GALNT7: variants seen among roughly 807,000 people sequenced by gnomAD.
GALNT7 encodes the protein N-acetylgalactosaminyltransferase 7.
A neutral mutation model predicts 82.1 loss-of-function variants in GALNT7; 60 were observed. The observed-to-expected ratio is 0.73, with a 90% CI of 0.59 to 0.91. The LOEUF (loss-of-function observed/expected upper bound fraction) is 0.91, where lower values mean the gene tolerates loss of function less well. GALNT7 is among the 40% of genes least tolerant of loss of function. GALNT7 has a pLI of 0.00. For missense variants in GALNT7, 660 were observed against 804.2 expected (o/e 0.82, Z 2.17); for synonymous variants, 243 against 275.1 (o/e 0.88, Z 1.15).
At chr4:173,183,041 TAAACACACACAC>T (rs1357769783) in intron 1 of GALNT7, among the ~76,000 whole-genome samples, 5 of 40,736 alleles carry the variant, frequency 1.2e-4, no homozygotes, top group African/African-American at 3.6e-4. Flanking sequence ...TCCACACACA[TAAACACACACAC>T]ACACACACAC....
At position 173,298,286 on chromosome 4, in the gene GALNT7, T is replaced by A; in HGVS notation, c.1137T>A (p.Thr379=). Reference sequence around the variant, plus strand: ...AGAAGAGACTGAGAAAGACAAAAACTGAACCGTATCGGTAATCACTAAATC... The same window carrying A: ...AGAAGAGACTGAGAAAGACAAAAACAGAACCGTATCGGTAATCACTAAATC... ...PQEKRLRKTK[T]EPYRSPAMAG... Residue 379 remains threonine, a synonymous_variant, in exon 6 of 12, where the codon ACT becomes ACA. Transcript: ENST00000265000. The A allele has an allele frequency of 6.4e-7, 1 of 1,567,930 alleles. No homozygotes were observed. The highest frequency in any genetic ancestry group is 1.2e-5 in the South Asian group (1 of 83,094).
At chr4:173,206,683 G>C (rs1377626882) in intron 1 of GALNT7, among the ~76,000 whole-genome samples, 2 of 152,188 alleles carry the variant, frequency 1.3e-5, no homozygotes, top group Non-Finnish European at 2.9e-5. Flanking sequence ...TAAGAAATGG[G>C]AGGTAGAAAA....
chr4:173,309,199 C>A lies in GALNT7; in HGVS notation c.1390-4759C>A, dbSNP rs116600959. Among the ~76,000 whole-genome samples, 969 of 152,306 alleles carry A rather than the reference C, an allele frequency of 6.4e-3. 10 individuals carry two copies. Among genetic ancestry groups the A allele is most frequent in the African/African-American group, 0.022 (894 of 41,542 alleles). ...TTAGTAGGATGAGCATCCTCCCGGG[C>A]TTCTTTCCCAGTCACACGTTTATTA... On this transcript the variant is annotated intron_variant, in intron 8 of 11. Coordinates refer to ENST00000265000, the MANE Select transcript of GALNT7 (RefSeq NM_017423.3).
chr4:173,185,584 T>C (rs751383275), intron 1 of GALNT7, among the ~76,000 whole-genome samples: 5 of 152,184 alleles, frequency 3.3e-5, no homozygotes, highest in Non-Finnish European at 7.3e-5. Flanking sequence ...CTAGGCAGTA[T>C]AATGAATTAA....
At chr4:173,185,752 C>T (rs1444929409) in intron 1 of GALNT7, among the ~76,000 whole-genome samples, 1 of 152,040 alleles carries the variant, frequency 6.6e-6, no homozygotes, top group African/African-American at 2.4e-5. Flanking sequence ...TCCTTGTATA[C>T]ATCTTAGAGT....
chr4:173,209,934 ACCAGC>A (rs1470278693), intron 1 of GALNT7, among the ~76,000 whole-genome samples: 1 of 152,026 alleles, frequency 6.6e-6, no homozygotes, highest in Non-Finnish European at 1.5e-5. Flanking sequence ...GGAGTTCCAG[ACCAGC>A]CTGAGCAACA....
Position 173,295,827 on chromosome 4 carries a change from C to T in GALNT7, c.949C>T (p.Pro317Ser). The T allele has an allele frequency of 1.3e-6, 2 of 1,596,764 alleles. No homozygotes were observed. Among genetic ancestry groups the T allele is most frequent in the Non-Finnish European group, 8.6e-7 (1 of 1,164,310 alleles). ...AVNWYAPLVAPISKDRTICTV... is the reference protein window; with the variant it reads ...AVNWYAPLVASISKDRTICTV... ...TAACTGGTATGCACCACTTGTAGCT[C>T]CCATATCTAAGGACAGGTAACATTA... Residue 317 changes from proline to serine, a missense_variant, in exon 5 of 12, where the codon CCC (proline) becomes TCC (serine). Transcript: ENST00000265000.
chr4:173,213,173 A>G (rs1443349786), intron 1 of GALNT7, among the ~76,000 whole-genome samples: 1 of 152,158 alleles, frequency 6.6e-6, no homozygotes, highest in Non-Finnish European at 1.5e-5. Flanking sequence ...CTTAGTGGTC[A>G]AGACCCTTAA....
chr4:173,239,981 A>G (rs1734367911), intron 1 of GALNT7, among the ~76,000 whole-genome samples: 1 of 152,158 alleles, frequency 6.6e-6, no homozygotes, highest in African/African-American at 2.4e-5. Flanking sequence ...TACTAATATC[A>G]CTGCCAAAAC....
intron 2 of GALNT7, among the ~76,000 whole-genome samples, chr4:173,262,172 G>A (rs1735295742): frequency 1.3e-5 from 2 of 152,040 alleles, no homozygotes; most frequent in Non-Finnish European, 1.5e-5. Context: ...TTGCAAAAGG[G>A]GGGAGCATTT....
At chr4:173,296,673 C>A (rs1736726448) in intron 5 of GALNT7, among the ~76,000 whole-genome samples, 1 of 152,146 alleles carries the variant, frequency 6.6e-6, no homozygotes, top group African/African-American at 2.4e-5. Flanking sequence ...ACTGTCAGAC[C>A]AAGGCCTCCC....
At chr4:173,173,248 T>C (rs1246441565) in intron 1 of GALNT7, among the ~76,000 whole-genome samples, 2 of 152,128 alleles carry the variant, frequency 1.3e-5, no homozygotes, top group African/African-American at 2.4e-5. Context: ...GGAAGCTTTT[T>C]TTTTTTTAGT....
At chr4:173,301,377 T>A (rs1392303743) in intron 6 of GALNT7, among the ~76,000 whole-genome samples, 1 of 152,100 alleles carries the variant, frequency 6.6e-6, no homozygotes, top group African/African-American at 2.4e-5. Context: ...CCTAAGAAGC[T>A]ACCAAATCTT....
chr4:173,318,676 C>T, intron 11 of GALNT7, 117 bp downstream of exon 11: 1 of 685,602 alleles, frequency 1.5e-6, no homozygotes, highest in Non-Finnish European at 2.5e-6. Flanking sequence ...TTGCATTTTC[C>T]TCTCATTTAG....
chr4:173,199,699 A>G (rs1732882370), intron 1 of GALNT7, among the ~76,000 whole-genome samples: 1 of 152,034 alleles, frequency 6.6e-6, no homozygotes, highest in Non-Finnish European at 1.5e-5. Context: ...TTTGTTAACC[A>G]CCCTCTTAAA....
chr4:173,233,220 A>G (rs1352970442), intron 1 of GALNT7, among the ~76,000 whole-genome samples: 1 of 152,168 alleles, frequency 6.6e-6, no homozygotes, highest in East Asian at 1.9e-4. Flanking sequence ...ATCCTTTGAT[A>G]TATTAATTTC....
intron 1 of GALNT7, among the ~76,000 whole-genome samples, chr4:173,242,832 C>T (rs1009084199): frequency 6.6e-6 from 1 of 152,244 alleles, no homozygotes; most frequent in Non-Finnish European, 1.5e-5. Context: ...ACCTCCCTCT[C>T]TGCTTTCTGT....
chr4:173,203,343 G>A (rs904238431), intron 1 of GALNT7, among the ~76,000 whole-genome samples: 9 of 152,164 alleles, frequency 5.9e-5, no homozygotes, highest in East Asian at 1.9e-4. Context: ...CTCCCGCCTC[G>A]GCCTCCCAAA....
chr4:173,307,018 A>G (rs1351621613), intron 8 of GALNT7, among the ~76,000 whole-genome samples: 3 of 152,234 alleles, frequency 2.0e-5, no homozygotes, highest in South Asian at 2.1e-4. Context: ...GATACCAGGT[A>G]TATATTCCCT....
Sources: gnomAD v4.1 joint callset for allele counts (sites outside exome capture counted in the v4.1 genomes callset) on GRCh38, gnomAD v4.1.1 for gene constraint, MANE v1.5 for transcripts, NCBI Gene and HGNC (gene_info 2026-07-23, HGNC 2026-07-21) for gene names.